The following CELF2 variants were observed in gnomAD, a reference collection of about 807,000 sequenced individuals.
CELF2 encodes the protein CUG triplet repeat RNA-binding protein 2.
In CELF2, 8 loss-of-function variants were observed where a neutral mutation model predicts 62.6. That is an observed-to-expected ratio of 0.13 (90% CI 0.07 to 0.23). The LOEUF (loss-of-function observed/expected upper bound fraction) is 0.23, where lower values mean the gene tolerates loss of function less well. Among genes scored for constraint, CELF2 ranks in the 10% least tolerant of loss-of-function variants. The pLI is 1.00. For synonymous variants in CELF2, 258 were observed against 250.0 expected (o/e 1.03, Z -0.30); for missense variants, 333 against 671.0 (o/e 0.50, Z 5.56).
At position 10,852,442 on chromosome 10, in the gene CELF2, C is replaced by T. The variant is rs76156978; in HGVS notation, c.53+53625C>T. On this transcript the variant is annotated intron_variant, in intron 1 of 13. Coordinates refer to the CELF2 transcript ENST00000636488. ...GGATTAGTAGGTGCTGGAGTTGGGG[C>T]TGGAAGGGGCATGGGAGAAAGGTGT... Among the ~76,000 whole-genome samples the T allele has an allele frequency of 7.6e-3, 1,159 of 152,180 alleles. 14 individuals are homozygous for T. Among genetic ancestry groups the T allele is most frequent in the African/African-American group, 0.027 (1,101 of 41,518 alleles).
chr10:10,536,039 G>A, the CELF2 span, among the ~76,000 whole-genome samples: 1 of 55,700 alleles, frequency 1.8e-5, no homozygotes, highest in Non-Finnish European at 4.0e-5. Context: ...TTTTTTTTTT[G>A]AGACAGAGTC....
chr10:10,835,622 A>G (rs2058226393), intron 1 of CELF2, among the ~76,000 whole-genome samples: 1 of 152,088 alleles, frequency 6.6e-6, no homozygotes, highest in South Asian at 2.1e-4. Flanking sequence ...ACCTCAGGTG[A>G]TCCACCCCCT....
rs527577620 is a variant in CELF2 at position 10,869,041 on chromosome 10, G to C, written c.54-50923G>C. On this transcript the variant is annotated intron_variant, in intron 1 of 13. Coordinates refer to the CELF2 transcript ENST00000636488. Reference sequence around the variant, plus strand: ...TAGGACAAACCAAACTACTGCATATGTCTATTTCTATCTATCTGTCTAGAA... The same window carrying C: ...TAGGACAAACCAAACTACTGCATATCTCTATTTCTATCTATCTGTCTAGAA... Among the ~76,000 whole-genome samples the C allele has an allele frequency of 3.3e-5, 5 of 152,238 alleles. No homozygotes were observed. In the South Asian group the frequency reaches 1.0e-3, roughly 32 times the overall value.
At chr10:10,979,629 C>T (rs1394854643) in intron 2 of CELF2, among the ~76,000 whole-genome samples, 1 of 147,838 alleles carries the variant, frequency 6.8e-6, no homozygotes, top group Non-Finnish European at 1.5e-5. Flanking sequence ...CAAGATCATG[C>T]CACTGCACTC....
At chr10:10,602,380 C>T in the CELF2 span, among the ~76,000 whole-genome samples, 1 of 152,266 alleles carries the variant, frequency 6.6e-6, no homozygotes, top group South Asian at 2.1e-4. Flanking sequence ...CCGGGGTTCA[C>T]TCTTACTCAT....
rs1237456213 is a variant in CELF2 at position 10,936,907 on chromosome 10, G to A, written c.89+16908G>A. Among the ~76,000 whole-genome samples, 2 of 152,078 alleles carry A rather than the reference G, an allele frequency of 1.3e-5. No individual in the cohort carries two copies. Among genetic ancestry groups the A allele is most frequent in the Non-Finnish European group, 1.5e-5 (1 of 68,024 alleles). ...TCTGACAAGCTCCCACGGGGTTTCTGATGATTCTGGTCCTCAGACCATCCT... is the reference window on the plus strand; with the variant it reads ...TCTGACAAGCTCCCACGGGGTTTCTAATGATTCTGGTCCTCAGACCATCCT... On this transcript the variant is annotated intron_variant, in intron 2 of 13. Coordinates refer to the CELF2 transcript ENST00000636488. The surrounding 1 kb of genome is among the most constrained non-coding windows in gnomAD (Gnocchi z 4.0).
chr10:10,666,861 CAAA>C, the CELF2 span, among the ~76,000 whole-genome samples: 1 of 25,224 alleles, frequency 4.0e-5, no homozygotes, highest in Non-Finnish European at 7.2e-5. Flanking sequence ...GACTCCGTCT[CAAA>C]AAAAAAAAAA....
chr10:11,179,685 A>G (rs1038956836), intron 2 of CELF2, among the ~76,000 whole-genome samples: 1 of 152,162 alleles, frequency 6.6e-6, no homozygotes, highest in Non-Finnish European at 1.5e-5. Flanking sequence ...GGAGTGAGGA[A>G]CATGAGGGTA....
chr10:10,810,907 G>A (rs2055807649), intron 1 of CELF2, among the ~76,000 whole-genome samples: 1 of 152,200 alleles, frequency 6.6e-6, no homozygotes, highest in Admixed American at 6.5e-5. Flanking sequence ...TCAGGCATCA[G>A]GGAATGAATC....
chr10:10,776,403 T>A, the CELF2 span: 146 of 154,216 alleles, frequency 9.5e-4, no homozygotes, highest in African/African-American at 3.4e-3. Flanking sequence ...CGGTACTCCG[T>A]CACCCAGCTG....
chr10:10,912,670 C>T (rs980160378), intron 1 of CELF2, among the ~76,000 whole-genome samples: 1 of 152,098 alleles, frequency 6.6e-6, no homozygotes, highest in Non-Finnish European at 1.5e-5. Context: ...GCCCAGCCAA[C>T]GGGGCTTTTT....
the CELF2 span, among the ~76,000 whole-genome samples, chr10:10,688,896 C>T: frequency 5.3e-5 from 8 of 151,650 alleles, no homozygotes; most frequent in Admixed American, 1.3e-4. Context: ...CCCAGCTACT[C>T]GGGAGGCTAA....
chr10:10,859,192 A>G (rs1279275264), intron 1 of CELF2, among the ~76,000 whole-genome samples: 1 of 152,194 alleles, frequency 6.6e-6, no homozygotes, highest in Non-Finnish European at 1.5e-5. Flanking sequence ...AAAACAAGTC[A>G]TTAAACAATA....
chr10:11,220,573 T>C lies in CELF2; in HGVS notation c.354+3066T>C, dbSNP rs1332141162. On this transcript the variant is annotated intron_variant, in intron 3 of 12. Transcript: ENST00000633077. This position sits in a 1 kb window ranked among gnomAD's most constrained non-coding sequence, Gnocchi z 4.4. ...GCTCTTACGGAGCAGTGCAAAATCA[T>C]TGAAGACACGTTTCTCAAACTTGCC... 6.6e-6 allele frequency among the ~76,000 whole-genome samples: 1 copy of C among 152,250 alleles called. No individual in the cohort carries two copies. The highest frequency in any genetic ancestry group is 2.4e-5 in the African/African-American group (1 of 41,458).
chr10:11,147,727 C>T (rs1031977176), intron 1 of CELF2, among the ~76,000 whole-genome samples: 4 of 152,210 alleles, frequency 2.6e-5, no homozygotes, highest in South Asian at 2.1e-4. Flanking sequence ...CACATAATAA[C>T]GGTTTGCCGA....
At chr10:10,921,877 A>G (rs1236707156) in intron 2 of CELF2, among the ~76,000 whole-genome samples, 2 of 152,198 alleles carry the variant, frequency 1.3e-5, no homozygotes, top group Non-Finnish European at 1.5e-5. Context: ...TTTTGAAGGT[A>G]CTCGATAATC....
At chr10:10,671,469 C>G in the CELF2 span, among the ~76,000 whole-genome samples, 1 of 152,076 alleles carries the variant, frequency 6.6e-6, no homozygotes, top group Non-Finnish European at 1.5e-5. Context: ...ATAGCTGGAT[C>G]ACATAGAAAG....
In CELF2 at chr10:11,254,740, A is replaced by G. The variant is rs545258355; in HGVS notation, c.404-2998A>G. On this transcript the variant is annotated intron_variant, in intron 4 of 12. Transcript: ENST00000633077. ...TTTTGTTTAAAAGAACTAAAACCAGATTGTTCAGGGTAAGAAGAAACACAA... is the reference window on the plus strand; with the variant it reads ...TTTTGTTTAAAAGAACTAAAACCAGGTTGTTCAGGGTAAGAAGAAACACAA... 3.9e-5 allele frequency among the ~76,000 whole-genome samples: 6 copies of G among 152,328 alleles called. No individual in the cohort carries two copies. The East Asian group carries it at 1.2e-3, about 29-fold the overall frequency.
At chr10:10,615,694 T>TC in the CELF2 span, among the ~76,000 whole-genome samples, 1 of 152,052 alleles carries the variant, frequency 6.6e-6, no homozygotes, top group Non-Finnish European at 1.5e-5. Flanking sequence ...GTGTGACACC[T>TC]CCCCACTCTC....
Sources: gnomAD v4.1 joint callset for allele counts (sites outside exome capture counted in the v4.1 genomes callset) on GRCh38, gnomAD v4.1.1 for gene constraint, Gnocchi (gnomAD v3.1) non-coding constraint, MANE v1.5 for transcripts, NCBI Gene and HGNC (gene_info 2026-07-23, HGNC 2026-07-21) for gene names.